Variants in CD40 observed in about 807,000 individuals in gnomAD.
The protein encoded by CD40 is tumor necrosis factor receptor superfamily member 5.
A neutral mutation model predicts 38.5 loss-of-function variants in CD40; 19 were observed. That is an observed-to-expected ratio of 0.49 (90% confidence interval 0.34 to 0.72). The LOEUF (loss-of-function observed/expected upper bound fraction) is 0.72, where lower values mean the gene tolerates loss of function less well. Ranked by LOEUF, CD40 falls within the 30% of genes least tolerant of loss-of-function variation. CD40 has a pLI of 0.01. For synonymous variants in CD40, 130 were observed against 128.7 expected, an observed-to-expected ratio of 1.01 and a Z score of -0.07; for missense variants, 256 against 344.1, an observed-to-expected ratio of 0.74 and a Z score of 2.03.
At chr20:46,126,164 C>T (rs1223399612) in intron 5 of CD40, among the ~76,000 whole-genome samples, 1 of 152,182 alleles carries the variant, frequency 6.6e-6, no homozygotes, top group African/African-American at 2.4e-5. Flanking sequence ...CGGATAGAGG[C>T]CAGGGATGCT....
Position 46,128,994 on chromosome 20 carries a change from A to C in CD40, c.788A>C (p.Gln263Pro). ...ETLHGCQPVT[Q>P]EDGKESRISV... ...TTACATGGATGCCAACCGGTCACCCAGGAGGATGGCAAAGAGAGTCGCATC... is the reference window on the plus strand; with the variant it reads ...TTACATGGATGCCAACCGGTCACCCCGGAGGATGGCAAAGAGAGTCGCATC... The change falls in exon 9 of 9, where the codon CAG becomes CCG. Residue 263 changes from glutamine (Q) to proline (P), a missense_variant. Transcript: ENST00000372285. The C allele has an allele frequency of 6.2e-7, 1 of 1,614,202 alleles. No individual in the cohort carries two copies.
At chr20:46,123,337 T>C (rs993962403) in intron 5 of CD40, 118 bp downstream of exon 5, 8 of 868,306 alleles carry the variant, frequency 9.2e-6, no homozygotes, top group Non-Finnish European at 1.6e-5. Context: ...CATGTACTTG[T>C]GAAGCATCTG....
In CD40 at chr20:46,125,032, G is replaced by T. The variant is rs143229753; in HGVS notation, c.498-1608G>T. 6.9e-3 allele frequency among the ~76,000 whole-genome samples: 1,047 copies of T among 151,610 alleles called. 8 individuals carry two copies. Among genetic ancestry groups the T allele is most frequent in the African/African-American group, 0.024 (990 of 41,382 alleles). ...TCCGTCTGCCTTGGCCTCCCAAAGTGCTGGGATTACAGGCGTGAGCCACCG... is the reference window on the plus strand; with the variant it reads ...TCCGTCTGCCTTGGCCTCCCAAAGTTCTGGGATTACAGGCGTGAGCCACCG... On this transcript the variant is annotated intron_variant, in intron 5 of 8. Coordinates refer to ENST00000372285, the MANE Select transcript of CD40 (RefSeq NM_001250.6).
chr20:46,125,455 A>G (rs1398389482), intron 5 of CD40, among the ~76,000 whole-genome samples: 1 of 149,464 alleles, frequency 6.7e-6, no homozygotes, highest in African/African-American at 2.5e-5. Flanking sequence ...GAGGCAGGAG[A>G]ATTGCTTGAA....
At chr20:46,126,564 A>C in intron 5 of CD40, 76 bp from the exon 6 acceptor site, 1 of 1,582,238 alleles carries the variant, frequency 6.3e-7, no homozygotes, top group South Asian at 1.1e-5. Context: ...CTAGAGTTGG[A>C]AATCTTATGC....
At chr20:46,121,738 C>A in intron 1 of CD40, 82 bp from the exon 2 acceptor site, 2 of 1,035,142 alleles carry the variant, frequency 1.9e-6, no homozygotes, top group Non-Finnish European at 3.1e-6. Context: ...CAGCCTCTGT[C>A]CTGGATGACT....
chr20:46,121,843 A>G lies in CD40; in HGVS notation c.75A>G (p.Ala25=), dbSNP rs775472655. The change falls in exon 2 of 9, where the codon GCA becomes GCG. Residue 25 remains alanine, a synonymous_variant. Coordinates refer to ENST00000372285, the MANE Select transcript of CD40 (RefSeq NM_001250.6). ...AGGTCCATCCAGAACCACCCACTGCATGCAGAGAAAAACAGTACCTAATAA... is the reference window on the plus strand; with the variant it reads ...AGGTCCATCCAGAACCACCCACTGCGTGCAGAGAAAAACAGTACCTAATAA... The part of the protein sequence containing the change: ...LTAVHPEPPT[A]CREKQYLINS... 5 of 1,614,190 alleles carry G rather than the reference A, an allele frequency of 3.1e-6. No individual in the cohort carries two copies. In the South Asian group the frequency reaches 5.5e-5, roughly 18 times the overall value.
At chr20:46,127,895 C>T (rs529741020) in intron 6 of CD40, 2 of 671,618 alleles carry the variant, frequency 3.0e-6, no homozygotes, top group Admixed American at 5.9e-5. Flanking sequence ...AATCAGATGT[C>T]TAGGTTTGAA....
chr20:46,126,592 C>A, intron 5 of CD40, 48 bp from the exon 6 acceptor site: 2 of 1,612,388 alleles, frequency 1.2e-6, no homozygotes, highest in South Asian at 2.2e-5. Flanking sequence ...AACTTAATAT[C>A]TCTTTCTTTC....
intron 1 of CD40, among the ~76,000 whole-genome samples, chr20:46,118,741 C>T (rs776428906): frequency 2.6e-5 from 4 of 152,082 alleles, no homozygotes; most frequent in Non-Finnish European, 5.9e-5. Flanking sequence ...AGGGAAGGGG[C>T]GGGTCTGGCC....
intron 8 of CD40, 22 bp downstream of exon 8, chr20:46,128,380 G>A (rs749684570): frequency 3.1e-5 from 50 of 1,608,914 alleles, no homozygotes; most frequent in South Asian, 1.2e-4. Flanking sequence ...CTGAGAACCC[G>A]GGACAGAGTT....
intron 5 of CD40, among the ~76,000 whole-genome samples, chr20:46,125,593 C>T (rs1486222063): frequency 6.9e-6 from 1 of 143,892 alleles, no homozygotes; most frequent in Non-Finnish European, 1.5e-5. Context: ...ATGGTTTCTT[C>T]AAAGCTTCTC....
chr20:46,124,958 G>A (rs981646238), intron 5 of CD40, among the ~76,000 whole-genome samples: 4 of 151,106 alleles, frequency 2.6e-5, no homozygotes, highest in East Asian at 2.0e-4. Flanking sequence ...TAGTAGAGAC[G>A]GCGTTTCACC....
intron 1 of CD40, among the ~76,000 whole-genome samples, chr20:46,119,612 A>AG (rs2085279183): frequency 6.6e-6 from 1 of 152,148 alleles, no homozygotes; most frequent in Non-Finnish European, 1.5e-5. Context: ...GGGCTGTGAC[A>AG]ACAATGTCAG....
At position 46,129,631 on chromosome 20, in the gene CD40, T is replaced by C. The variant is rs2085517554; in HGVS notation, c.*591T>C. 4 of 163,312 alleles carry C rather than the reference T, an allele frequency of 2.4e-5. No homozygotes were observed. Among genetic ancestry groups the C allele is most frequent in the Admixed American group, 1.1e-4 (2 of 17,738 alleles). The allele number at this position is 163,312 out of a possible 1,614,324, so 10.1% of individuals were successfully genotyped here. ...TGTATGTATATTGCCTATGGATATATGTATAAATACAATATGCATCATATA... is the reference window on the plus strand; with the variant it reads ...TGTATGTATATTGCCTATGGATATACGTATAAATACAATATGCATCATATA... On this transcript the variant is annotated 3_prime_UTR_variant, in exon 9 of 9. Transcript: ENST00000372285.
chr20:46,121,625 T>A, intron 1 of CD40, 195 bp from the exon 2 acceptor site: 1 of 649,718 alleles, frequency 1.5e-6, no homozygotes, highest in Non-Finnish European at 2.8e-6. Flanking sequence ...AGAATGATTC[T>A]CTGGGTGCGA....
chr20:46,128,520 T>G (rs750924973), intron 8 of CD40, 162 bp downstream of exon 8: 2 of 806,904 alleles, frequency 2.5e-6, no homozygotes, highest in South Asian at 2.9e-5. Flanking sequence ...GCTCCTTCCA[T>G]CCAGAGCTCA....
In CD40 at chr20:46,122,288, C is replaced by T. The variant is rs753518969; in HGVS notation, c.186C>T (p.Cys62=). 1.7e-5 allele frequency: 27 copies of T among 1,614,006 alleles called. No homozygotes were observed. The highest frequency in any genetic ancestry group is 5.5e-5 in the South Asian group (5 of 91,080). ...TCACTGAAACGGAATGCCTTCCTTG[C>T]GGTGAAAGCGAATTCCTAGACACCT... ...TEFTETECLP[C]GESEFLDTWN... is the part of the protein sequence containing the mutation. Residue 62 remains cysteine, a synonymous_variant, in exon 3 of 9, where the codon TGC becomes TGT. Coordinates refer to ENST00000372285, the MANE Select transcript of CD40 (RefSeq NM_001250.6). This position sits in a 1 kb window ranked among gnomAD's most constrained non-coding sequence, Gnocchi z 5.0.
At chr20:46,123,831 A>G (rs1677550923) in intron 5 of CD40, among the ~76,000 whole-genome samples, 1 of 152,054 alleles carries the variant, frequency 6.6e-6, no homozygotes, top group Non-Finnish European at 1.5e-5. Flanking sequence ...ACACTCTCCT[A>G]TTTGAGATGC....
Sources: gnomAD v4.1 joint callset for allele counts (sites outside exome capture counted in the v4.1 genomes callset) on GRCh38, gnomAD v4.1.1 for gene constraint, Gnocchi (gnomAD v3.1) non-coding constraint, MANE v1.5 for transcripts, NCBI Gene and HGNC (gene_info 2026-07-23, HGNC 2026-07-21) for gene names.